Variants in BLTP1 observed in about 807,000 individuals in gnomAD.
BLTP1 encodes the protein fragile site-associated protein.
the BLTP1 span, among the ~76,000 whole-genome samples, chr4:122,176,159 T>C: frequency 6.6e-6 from 1 of 151,914 alleles, no homozygotes; most frequent in Non-Finnish European, 1.5e-5. Context: ...AAAAATTAGC[T>C]GGGCGTGGTG....
chr4:122,269,594 T>C, the BLTP1 span: 7 of 985,144 alleles, frequency 7.1e-6, no homozygotes, highest in Admixed American at 6.2e-5. Context: ...AATATACTTT[T>C]CCCAGCCATT....
At chr4:122,328,038 T>G in the BLTP1 span, 9 of 1,212,648 alleles carry the variant, frequency 7.4e-6, no homozygotes, top group Non-Finnish European at 1.0e-5. Flanking sequence ...ATGTTTAAAT[T>G]TATATATTTT....
the BLTP1 span, among the ~76,000 whole-genome samples, chr4:122,322,946 A>T: frequency 6.6e-6 from 1 of 152,070 alleles, no homozygotes; most frequent in Non-Finnish European, 1.5e-5. Flanking sequence ...TTGGAAGCCT[A>T]GGGGACTTTT....
the BLTP1 span, chr4:122,318,024 G>A: frequency 1.0e-6 from 1 of 993,112 alleles, no homozygotes; most frequent in Non-Finnish European, 1.4e-6. Flanking sequence ...CTTATTGAGG[G>A]TTTTGGCTTG....
chr4:122,245,546 C>T, the BLTP1 span, among the ~76,000 whole-genome samples: 1 of 152,044 alleles, frequency 6.6e-6, no homozygotes, highest in Non-Finnish European at 1.5e-5. Flanking sequence ...TCCTCGTTCA[C>T]TTCAGTGAAT....
the BLTP1 span, chr4:122,170,527 T>G: frequency 1.3e-4 from 171 of 1,353,438 alleles, 1 homozygote; most frequent in African/African-American, 2.5e-3. Flanking sequence ...CAACTTCGTT[T>G]ATTAAATTCA....
chr4:122,234,946 C>T, the BLTP1 span: 5 of 1,613,304 alleles, frequency 3.1e-6, no homozygotes, highest in Non-Finnish European at 3.4e-6. Flanking sequence ...AGTGCAGAGT[C>T]TGATATGTAT....
chr4:122,314,291 A>G, the BLTP1 span, among the ~76,000 whole-genome samples: 1,258 of 152,274 alleles, frequency 8.3e-3, 12 homozygotes, highest in Non-Finnish European at 0.013. Context: ...TATATAAAAA[A>G]AAAGATGGAA....
chr4:122,248,067 C>A, the BLTP1 span: 1 of 985,148 alleles, frequency 1.0e-6, no homozygotes, highest in Non-Finnish European at 1.2e-6. Flanking sequence ...TCTGAAGTTT[C>A]CATGATTCCT....
the BLTP1 span, chr4:122,219,148 G>A: frequency 1.0e-6 from 1 of 984,878 alleles, no homozygotes; most frequent in Non-Finnish European, 1.2e-6. Context: ...TTTTGCTACT[G>A]AATATTTGCC....
chr4:122,296,699 G>T, the BLTP1 span, among the ~76,000 whole-genome samples: 2 of 152,184 alleles, frequency 1.3e-5, no homozygotes, highest in Admixed American at 6.5e-5. Flanking sequence ...ACACAGCATT[G>T]TACTGGTACA....
chr4:122,362,066 T>C, the BLTP1 span: 1 of 1,611,684 alleles, frequency 6.2e-7, no homozygotes, highest in Non-Finnish European at 8.5e-7. Flanking sequence ...ATTGATCCAG[T>C]AGGTGTTGAT....
At chr4:122,197,889 A>G in the BLTP1 span, 2 of 803,540 alleles carry the variant, frequency 2.5e-6, no homozygotes, top group African/African-American at 3.7e-5. Context: ...AAATTTATCA[A>G]ATTGTTATAA....
At chr4:122,261,566 CTT>C in the BLTP1 span, 1 of 983,990 alleles carries the variant, frequency 1.0e-6, no homozygotes. Flanking sequence ...TGTGGAAAGT[CTT>C]TTTGGCATTT....
chr4:122,307,740 G>A, the BLTP1 span: 1 of 985,184 alleles, frequency 1.0e-6, no homozygotes, highest in Non-Finnish European at 1.2e-6. Context: ...CCATTATGTG[G>A]TTGCCTGCTT....
the BLTP1 span, chr4:122,357,118 A>G: frequency 2.6e-6 from 2 of 773,902 alleles, no homozygotes; most frequent in South Asian, 5.9e-5. Flanking sequence ...CCTAATTGTG[A>G]AAACTGAATT....
the BLTP1 span, chr4:122,179,897 A>T: frequency 9.1e-6 from 9 of 985,162 alleles, no homozygotes; most frequent in Non-Finnish European, 1.1e-5. Context: ...CCACATACAG[A>T]CAGGGGTACC....
the BLTP1 span, chr4:122,275,804 G>C: frequency 2.3e-5 from 9 of 384,746 alleles, no homozygotes; most frequent in South Asian, 8.6e-4. Flanking sequence ...CAATGAAGAG[G>C]AAATGGAATG....
At chr4:122,214,473 A>G in the BLTP1 span, 1 of 951,458 alleles carries the variant, frequency 1.1e-6, no homozygotes, top group African/African-American at 1.8e-5. Flanking sequence ...ATAAAATGAA[A>G]TTGAAAGTTT....
Sources: gnomAD v4.1 joint callset for allele counts (sites outside exome capture counted in the v4.1 genomes callset) on GRCh38, gnomAD v4.1.1 for gene constraint, MANE v1.5 for transcripts, NCBI Gene and HGNC (gene_info 2026-07-23, HGNC 2026-07-21) for gene names.